DUSP29: variants seen among roughly 807,000 people sequenced by gnomAD.
DUSP29 encodes dual specificity phosphatase 29.
A neutral mutation model predicts 13.5 loss-of-function variants in DUSP29; 12 were observed. That is an observed-to-expected ratio of 0.89 (90% confidence interval 0.57 to 1.44). The LOEUF is 1.44. Among genes scored for constraint, DUSP29 ranks in the 40% most tolerant of loss-of-function variants. The pLI, the probability that DUSP29 is intolerant of heterozygous loss-of-function variation, is 0.00. For missense variants in DUSP29, 308 were observed against 301.1 expected, an observed-to-expected ratio of 1.02 and a Z score of -0.17; for synonymous variants, 134 against 128.7, an observed-to-expected ratio of 1.04 and a Z score of -0.28.
At chr10:75,060,104 G>A (rs982140924) in intron 1 of DUSP29, among the ~76,000 whole-genome samples, 1 of 151,872 alleles carries the variant, frequency 6.6e-6, no homozygotes, top group Non-Finnish European at 1.5e-5. Flanking sequence ...AGGTTGCAGT[G>A]AGCTGAGATC....
At position 75,058,444 on chromosome 10, in the gene DUSP29, A is replaced by G. The variant is rs145742265; in HGVS notation, c.71T>C (p.Met24Thr). The change falls in exon 2 of 4, where the codon ATG becomes ACG. Residue 24 changes from methionine (M) to threonine (T), a missense_variant. By Grantham distance (81) the Met-to-Thr change is moderately conservative (BLOSUM62 -1). Coordinates refer to ENST00000338487, the MANE Select transcript of DUSP29 (RefSeq NM_001003892.3). ...YSSAKRLSPK[M>T]EEEGEEEDYC... The stretch of plus-strand genomic sequence containing the variant: ...GTCCTCCTCCTCCCCTTCCTCCTCC[A>G]TCTTCGGCGACAGCCTCTTGGCAGA... 774 of 1,614,102 alleles carry G rather than the reference A, an allele frequency of 4.8e-4. 2 individuals are homozygous for G. The African/African-American group carries it at 9.1e-3, about 19-fold the overall frequency.
intron 2 of DUSP29, among the ~76,000 whole-genome samples, chr10:75,055,406 T>C (rs1261458720): frequency 6.6e-6 from 1 of 152,182 alleles, no homozygotes; most frequent in African/African-American, 2.4e-5. Context: ...CACACAGAGA[T>C]TGGCAATAAA....
chr10:75,050,896 C>A (rs1180263509), intron 2 of DUSP29, among the ~76,000 whole-genome samples: 1 of 152,222 alleles, frequency 6.6e-6, no homozygotes, highest in African/African-American at 2.4e-5. Context: ...CTGTTTGTGG[C>A]CTTTTCTCAT....
rs559539881 is a variant in DUSP29, at chr10:75,037,652, T to C, written c.*184A>G. Among the ~76,000 whole-genome samples, 2 of 152,306 alleles carry C rather than the reference T, an allele frequency of 1.3e-5. No homozygotes were observed. Among genetic ancestry groups the C allele is most frequent in the East Asian group, 3.9e-4 (2 of 5,176 alleles). On this transcript the variant is annotated 3_prime_UTR_variant, in exon 4 of 4. Coordinates refer to ENST00000338487, the MANE Select transcript of DUSP29 (RefSeq NM_001003892.3). The stretch of plus-strand genomic sequence containing the variant: ...CCCATTTTGCTGAGAGGCTGAGCGC[T>C]CAGCTCTGCCCGGGGGCAGCTCTGG...
At chr10:75,061,589 TTGTC>T (rs1847089464) in intron 1 of DUSP29, among the ~76,000 whole-genome samples, 1 of 152,116 alleles carries the variant, frequency 6.6e-6, no homozygotes, top group African/African-American at 2.4e-5. Flanking sequence ...TTGATAATAA[TTGTC>T]TGAGATGTGG....
intron 3 of DUSP29, among the ~76,000 whole-genome samples, chr10:75,042,056 G>A (rs914626167): frequency 7.9e-5 from 12 of 152,156 alleles, no homozygotes; most frequent in African/African-American, 1.9e-4. Context: ...ACATGCTGGC[G>A]TGGTTATATG....
chr10:75,038,517 T>C (rs187426520), intron 3 of DUSP29, among the ~76,000 whole-genome samples: 357 of 152,252 alleles, frequency 2.3e-3, no homozygotes, highest in African/African-American at 8.1e-3. Context: ...CCACGGACCT[T>C]TCTGGAGGCT....
At chr10:75,056,865 C>T (rs370161962) in intron 2 of DUSP29, among the ~76,000 whole-genome samples, 40 of 152,162 alleles carry the variant, frequency 2.6e-4, no homozygotes, top group African/African-American at 9.6e-4. Context: ...TTAAGCATGT[C>T]ATATTTGTAA....
Position 75,044,051 on chromosome 10 carries a change from G to A in DUSP29, c.201-34C>T, listed in dbSNP as rs770955509. ...AGGGGAGAGAAATCTGTGGGCGCGC[G>A]GCGCCCTGCCCCGGGTCCGGGAAAC... On this transcript the variant is annotated intron_variant, in intron 2 of 3. Coordinates refer to ENST00000338487, the MANE Select transcript of DUSP29 (RefSeq NM_001003892.3). The A allele has an allele frequency of 5.1e-6, 8 of 1,581,172 alleles. No individual in the cohort carries two copies. In the East Asian group the frequency reaches 1.6e-4, roughly 31 times the overall value.
chr10:75,065,172 C>A (rs146220577), intron 1 of DUSP29, among the ~76,000 whole-genome samples: 240 of 151,736 alleles, frequency 1.6e-3, no homozygotes, highest in African/African-American at 4.9e-3. Context: ...AACAAACAAA[C>A]AAAAAAACAA....
intron 1 of DUSP29, among the ~76,000 whole-genome samples, chr10:75,058,961 C>G (rs750588906): frequency 8.5e-5 from 13 of 152,224 alleles, no homozygotes; most frequent in Admixed American, 2.0e-4. Flanking sequence ...TCCTGACATT[C>G]CAGGCCTGTG....
chr10:75,044,521 A>G (rs1846662953), intron 2 of DUSP29, among the ~76,000 whole-genome samples: 1 of 151,882 alleles, frequency 6.6e-6, no homozygotes, highest in Non-Finnish European at 1.5e-5. Context: ...TCACAAATTC[A>G]CGTTGGCACG....
At chr10:75,044,146 T>G in intron 2 of DUSP29, 129 bp from the exon 3 acceptor site, 1 of 869,786 alleles carries the variant, frequency 1.1e-6, no homozygotes, top group South Asian at 1.7e-5. Context: ...GCAAATGAAG[T>G]CCCAAAGCTC....
chr10:75,064,336 C>T (rs906896028), intron 1 of DUSP29, among the ~76,000 whole-genome samples: 4 of 152,122 alleles, frequency 2.6e-5, no homozygotes, highest in Non-Finnish European at 5.9e-5. Context: ...GGTGAAACCC[C>T]GTCTCTACCA....
intron 1 of DUSP29, 75 bp from the exon 2 acceptor site, chr10:75,058,623 T>C (rs1007697299): frequency 2.1e-5 from 27 of 1,256,728 alleles, no homozygotes; most frequent in Non-Finnish European, 2.9e-5. Context: ...CAAAAAGAGG[T>C]GGGAATAAGC....
chr10:75,048,453 C>T (rs946006388), intron 2 of DUSP29, among the ~76,000 whole-genome samples: 4 of 149,566 alleles, frequency 2.7e-5, no homozygotes, highest in Non-Finnish European at 3.0e-5. Flanking sequence ...AGTGCAGTGG[C>T]GCAATCTCGG....
At chr10:75,044,055 CCCTG>C in intron 2 of DUSP29, 38 bp from the exon 3 acceptor site, 1 of 1,579,914 alleles carries the variant, frequency 6.3e-7, no homozygotes. Flanking sequence ...GCGCGCGGCG[CCCTG>C]CCCCGGGTCC....
intron 1 of DUSP29, among the ~76,000 whole-genome samples, chr10:75,060,390 C>A (rs901002977): frequency 7.3e-5 from 11 of 151,286 alleles, no homozygotes; most frequent in Non-Finnish European, 1.5e-4. Flanking sequence ...GTGGGAGGAC[C>A]ACTGGAGCCC....
intron 1 of DUSP29, among the ~76,000 whole-genome samples, chr10:75,063,186 T>A (rs867343575): frequency 2.6e-5 from 4 of 152,344 alleles, no homozygotes; most frequent in South Asian, 2.1e-4. Context: ...TGCTGTCCCA[T>A]GTGGGAATGC....
Sources: allele counts gnomAD v4.1 joint callset (sites outside exome capture counted in the v4.1 genomes callset), GRCh38; gene constraint gnomAD v4.1.1; transcripts MANE v1.5; gene names NCBI Gene and HGNC (gene_info 2026-07-23, HGNC 2026-07-21).